Variants in NXPE2 observed in about 807,000 individuals in gnomAD.
NXPE2 encodes NXPE family member 2.
A neutral mutation model predicts 34.4 loss-of-function variants in NXPE2; 34 were observed. The observed-to-expected ratio is 0.99, with a 90% CI of 0.75 to 1.31. The LOEUF (loss-of-function observed/expected upper bound fraction) is 1.31. NXPE2 is among the 40% of genes most tolerant of loss of function. The probability of loss-of-function intolerance (pLI) is 0.00; values close to 1 mark genes in which losing one functional copy is unlikely to be tolerated. For missense variants in NXPE2, 649 were observed against 672.5 expected, an observed-to-expected ratio of 0.97 and a Z score of 0.39; for synonymous variants, 235 against 231.3, an observed-to-expected ratio of 1.02 and a Z score of -0.15.
chr11:114,721,263 A>C, the NXPE2 span, among the ~76,000 whole-genome samples: 1 of 150,386 alleles, frequency 6.6e-6, no homozygotes, highest in African/African-American at 2.5e-5. Flanking sequence ...TTTTTTGTAA[A>C]TATTCAAATC....
At chr11:114,735,027 G>A in the NXPE2 span, among the ~76,000 whole-genome samples, 24 of 152,214 alleles carry the variant, frequency 1.6e-4, no homozygotes, top group Admixed American at 9.2e-4. Context: ...GGAGAATGGC[G>A]TGAACCTGGG....
intron 2 of NXPE2, among the ~76,000 whole-genome samples, chr11:114,685,624 CTA>C (rs1195260024): frequency 1.3e-5 from 2 of 151,996 alleles, no homozygotes; most frequent in African/African-American, 2.4e-5. Flanking sequence ...AGCATTTAGT[CTA>C]TGGCAATTCT....
At chr11:114,629,993 T>C in the NXPE2 span, among the ~76,000 whole-genome samples, 512 of 150,608 alleles carry the variant, frequency 3.4e-3, 3 homozygotes, top group African/African-American at 0.012. Context: ...CAAGGAGAAC[T>C]ACAAACCACT....
chr11:114,468,969 A>C, the NXPE2 span, among the ~76,000 whole-genome samples: 1 of 152,174 alleles, frequency 6.6e-6, no homozygotes, highest in East Asian at 1.9e-4. Context: ...AATGATTTAC[A>C]GACAGGGTAA....
chr11:114,638,148 A>G, the NXPE2 span, among the ~76,000 whole-genome samples: 2 of 151,680 alleles, frequency 1.3e-5, no homozygotes, highest in Non-Finnish European at 2.9e-5. Context: ...TATTTCTCGG[A>G]GGCTTTGTTC....
the NXPE2 span, among the ~76,000 whole-genome samples, chr11:114,749,223 G>T: frequency 1.3e-5 from 2 of 152,056 alleles, no homozygotes; most frequent in Non-Finnish European, 2.9e-5. Flanking sequence ...GAGAGTTAGG[G>T]AATATATGTA....
the NXPE2 span, among the ~76,000 whole-genome samples, chr11:114,622,368 A>G: frequency 6.6e-6 from 1 of 152,056 alleles, no homozygotes; most frequent in Admixed American, 6.6e-5. Flanking sequence ...AACCACTGTT[A>G]CCAAGTGGAT....
the NXPE2 span, among the ~76,000 whole-genome samples, chr11:114,599,550 A>G: frequency 2.0e-5 from 3 of 152,184 alleles, no homozygotes; most frequent in Non-Finnish European, 4.4e-5. Flanking sequence ...TGGGTAATTT[A>G]TAAAGAAAAG....
chr11:114,553,217 A>C, the NXPE2 span, among the ~76,000 whole-genome samples: 1 of 152,182 alleles, frequency 6.6e-6, no homozygotes, highest in African/African-American at 2.4e-5. Context: ...TCTTTGTAAT[A>C]ATATGTGCTA....
At chr11:114,582,681 G>A in the NXPE2 span, 117 of 1,614,124 alleles carry the variant, frequency 7.2e-5, no homozygotes, top group African/African-American at 1.9e-4. Flanking sequence ...TGCCATCAGC[G>A]CTGGGGAAGA....
chr11:114,654,744 G>A, the NXPE2 span, among the ~76,000 whole-genome samples: 4 of 151,998 alleles, frequency 2.6e-5, no homozygotes, highest in East Asian at 1.9e-4. Context: ...ACTTGGTTCC[G>A]TGTCATTGCT....
At chr11:114,766,875 C>T in the NXPE2 span, among the ~76,000 whole-genome samples, 1 of 152,128 alleles carries the variant, frequency 6.6e-6, no homozygotes. Flanking sequence ...TGACTTTGGT[C>T]AGCAGAAACT....
the NXPE2 span, chr11:114,529,198 G>A: frequency 3.5e-4 from 61 of 175,182 alleles, no homozygotes; most frequent in Admixed American, 5.0e-4. Context: ...ATAAATCTTC[G>A]TGGGGGAAAA....
the NXPE2 span, among the ~76,000 whole-genome samples, chr11:114,663,591 A>G: frequency 1.2e-5 from 1 of 86,776 alleles, no homozygotes; most frequent in Non-Finnish European, 2.4e-5. Context: ...TCTATCATCT[A>G]TCTATCTATC....
the NXPE2 span, among the ~76,000 whole-genome samples, chr11:114,605,670 C>T: frequency 1.3e-5 from 2 of 151,790 alleles, no homozygotes; most frequent in East Asian, 3.9e-4. Context: ...ATACATGTTG[C>T]CTCATGTGTA....
chr11:114,538,554 A>G, the NXPE2 span, among the ~76,000 whole-genome samples: 1 of 152,244 alleles, frequency 6.6e-6, no homozygotes, highest in South Asian at 2.1e-4. Flanking sequence ...AATATCCAGA[A>G]TCTACAATGA....
chr11:114,498,863 A>T, the NXPE2 span, among the ~76,000 whole-genome samples: 1 of 152,012 alleles, frequency 6.6e-6, no homozygotes. Context: ...TGCTGTATTT[A>T]TGTGTGGGCT....
At chr11:114,503,796 A>G in the NXPE2 span, among the ~76,000 whole-genome samples, 1 of 152,250 alleles carries the variant, frequency 6.6e-6, no homozygotes, top group Non-Finnish European at 1.5e-5. Context: ...GAAAAGGTCC[A>G]TAGTGTATCC....
At chr11:114,742,990 T>C in the NXPE2 span, among the ~76,000 whole-genome samples, 3 of 152,246 alleles carry the variant, frequency 2.0e-5, no homozygotes, top group South Asian at 2.1e-4. Context: ...CTGCTTTTAT[T>C]TGGGGCTGTT....
Sources: allele counts gnomAD v4.1 joint callset (sites outside exome capture counted in the v4.1 genomes callset), GRCh38; gene constraint gnomAD v4.1.1; transcripts MANE v1.5; gene names NCBI Gene and HGNC (gene_info 2026-07-23, HGNC 2026-07-21).